Variants in SQOR observed in about 807,000 individuals in gnomAD.
The protein encoded by SQOR is sulfide quinone oxidoreductase, also known as sulfide:quinone oxidoreductase, mitochondrial.
In SQOR, 39 loss-of-function variants were observed where a neutral mutation model predicts 48.6. The observed-to-expected ratio is 0.80, with a 90% confidence interval of 0.62 to 1.05. SQOR has a LOEUF of 1.05. SQOR is among the 50% of genes least tolerant of loss of function. The pLI, the probability that SQOR is intolerant of heterozygous loss-of-function variation, is 0.00. For synonymous variants in SQOR, 220 were observed against 206.2 expected (o/e 1.07, Z -0.57); for missense variants, 561 against 559.9 (o/e 1.00, Z -0.02).
intron 9 of SQOR, 24 bp from the exon 10 acceptor site, chr15:45,690,949 A>G (rs770336633): frequency 1.2e-6 from 2 of 1,612,652 alleles, no homozygotes; most frequent in Non-Finnish European, 1.7e-6. Context: ...CTGCAGGTAC[A>G]TTTTTTTGTG....
At chr15:45,687,504 G>A (rs987229256) in intron 7 of SQOR, among the ~76,000 whole-genome samples, 1 of 152,164 alleles carries the variant, frequency 6.6e-6, no homozygotes, top group African/African-American at 2.4e-5. Flanking sequence ...AAAATACTGC[G>A]GGTTTGTGTT....
chr15:45,649,261 C>T (rs1022648691), intron 1 of SQOR, among the ~76,000 whole-genome samples: 5 of 152,124 alleles, frequency 3.3e-5, no homozygotes, highest in South Asian at 2.1e-4. Flanking sequence ...ATGCCCAGTC[C>T]GCTGTCTTAT....
At chr15:45,633,149 C>A (rs548945154), upstream of SQOR, among the ~76,000 whole-genome samples, 22 of 151,114 alleles carry the variant, frequency 1.5e-4, no homozygotes, top group African/African-American at 5.1e-4. Flanking sequence ...ACCCAAAAAA[C>A]CAAAAACCCA....
chr15:45,649,781 C>T (rs894202237), intron 1 of SQOR, among the ~76,000 whole-genome samples: 1 of 152,028 alleles, frequency 6.6e-6, no homozygotes, highest in African/African-American at 2.4e-5. Flanking sequence ...CTGTGCCTGG[C>T]CTCATTTTTT....
rs1314735941 is a variant in SQOR at position 45,659,141 on chromosome 15, T to C, written c.218T>C (p.Ile73Thr). The stretch of plus-strand genomic sequence containing the variant: ...AAAGTGGGTGCAGAGAATGTGGCCA[T>C]TGTTGAGCCCAGTGAGGTAAGCCTC... ...KRKVGAENVAIVEPSERHFYQ... is the reference protein window; with the variant it reads ...KRKVGAENVATVEPSERHFYQ... Residue 73 changes from isoleucine to threonine, a missense_variant, in exon 2 of 10, where the codon ATT (isoleucine) becomes ACT (threonine). Ile to Thr is a moderately conservative substitution (Grantham distance 89). Coordinates refer to ENST00000260324, the MANE Select transcript of SQOR (RefSeq NM_021199.4). 2 of 1,546,514 alleles carry C rather than the reference T, an allele frequency of 1.3e-6. No individual in the cohort carries two copies. The highest frequency in any genetic ancestry group is 1.8e-6 in the Non-Finnish European group (2 of 1,142,128).
chr15:45,633,903 G>A (rs1318264337), upstream of SQOR, among the ~76,000 whole-genome samples: 1 of 151,452 alleles, frequency 6.6e-6, no homozygotes, highest in East Asian at 2.0e-4. Flanking sequence ...GGCTGGGCAT[G>A]GTGGCTCACG....
At chr15:45,636,238 A>G (rs1293532084) in intron 1 of SQOR, among the ~76,000 whole-genome samples, 1 of 152,192 alleles carries the variant, frequency 6.6e-6, no homozygotes, top group East Asian at 1.9e-4. Context: ...GGTAATATAT[A>G]TGTCTTTAAA....
intron 1 of SQOR, among the ~76,000 whole-genome samples, chr15:45,635,958 G>A (rs1894996624): frequency 6.6e-6 from 1 of 151,704 alleles, no homozygotes; most frequent in Admixed American, 6.6e-5. Flanking sequence ...GCCTCAGCCT[G>A]CCGAGTAACT....
chr15:45,673,930 T>G (rs1261294638), intron 5 of SQOR, 129 bp downstream of exon 5: 3 of 859,356 alleles, frequency 3.5e-6, no homozygotes, highest in Non-Finnish European at 3.5e-6. Context: ...GTGTACAAAA[T>G]TAGTTAACTG....
chr15:45,688,471 T>A (rs1890261521), intron 8 of SQOR, 67 bp downstream of exon 8: 1 of 1,245,094 alleles, frequency 8.0e-7, no homozygotes, highest in Non-Finnish European at 1.1e-6. Context: ...AGTAGTGTTT[T>A]CCCACAATTT....
chr15:45,635,679 C>T (rs1374861889), intron 1 of SQOR, among the ~76,000 whole-genome samples: 1 of 152,198 alleles, frequency 6.6e-6, no homozygotes, highest in East Asian at 1.9e-4. Flanking sequence ...CTTCATCTGT[C>T]TCTTTTATTT....
chr15:45,642,710 G>T (rs938295610), intron 1 of SQOR, among the ~76,000 whole-genome samples: 10 of 152,062 alleles, frequency 6.6e-5, no homozygotes, highest in African/African-American at 2.4e-4. Context: ...AAAGTAGCCC[G>T]AACAGGTCCC....
Position 45,673,605 on chromosome 15 carries a change from A to G in SQOR, c.460-2A>G. ...AAATAATTTTTGTGTACTTTGTTGCAGATTAAAGGCCTACCTGAAGGTTTC... is the reference window on the plus strand; with the variant it reads ...AAATAATTTTTGTGTACTTTGTTGCGGATTAAAGGCCTACCTGAAGGTTTC... On this transcript the variant is annotated splice_acceptor_variant, in intron 4 of 9. Transcript: ENST00000260324. LOFTEE classifies it high-confidence loss of function. 1 of 1,609,050 alleles carries G rather than the reference A, an allele frequency of 6.2e-7. No homozygotes were observed. Among genetic ancestry groups the G allele is most frequent in the East Asian group, 2.2e-5 (1 of 44,800 alleles).
intron 1 of SQOR, among the ~76,000 whole-genome samples, chr15:45,656,456 AT>A (rs34189540): frequency 0.32 from 46,719 of 146,476 alleles, 7,580 homozygotes; most frequent in East Asian, 0.53. Context: ...TGCCTGGCTA[AT>A]TTTTTTTTTT....
At chr15:45,648,208 C>T (rs975577185) in intron 1 of SQOR, among the ~76,000 whole-genome samples, 4 of 151,150 alleles carry the variant, frequency 2.6e-5, no homozygotes, top group Non-Finnish European at 4.4e-5. Flanking sequence ...CGGAATCTTG[C>T]GCCACCGTCA....
chr15:45,686,083 C>T (rs923745688), intron 7 of SQOR, among the ~76,000 whole-genome samples: 5 of 151,620 alleles, frequency 3.3e-5, no homozygotes, highest in East Asian at 1.9e-4. Context: ...TGGGCTCAAG[C>T]GATCCTCCTG....
At chr15:45,674,671 C>A (rs1350631381) in intron 5 of SQOR, among the ~76,000 whole-genome samples, 1 of 150,872 alleles carries the variant, frequency 6.6e-6, no homozygotes, top group Admixed American at 6.6e-5. Context: ...AACTTTAAAC[C>A]TTCATGAAAA....
In SQOR at chr15:45,688,337, C is replaced by A. The variant is rs1566924817; in HGVS notation, c.1049C>A (p.Ala350Asp). ...LPTSKTAAAV[A>D]AQSGILDRTI... ...TCTGACTTTCCCATTTCTCTTATAG[C>A]TGCCCAGTCAGGAATACTTGATAGG... Residue 350 changes from alanine (A) to aspartate (D), a missense_variant and splice_region_variant, in exon 8 of 10, where the codon GCT (alanine) becomes GAT (aspartate). Ala to Asp is a moderately radical substitution (Grantham distance 126). Coordinates refer to ENST00000260324, the MANE Select transcript of SQOR (RefSeq NM_021199.4). The A allele has an allele frequency of 6.3e-7, 1 of 1,596,034 alleles. No homozygotes were observed.
At chr15:45,682,699 T>A in intron 7 of SQOR, 38 bp downstream of exon 7, 1 of 1,605,532 alleles carries the variant, frequency 6.2e-7, no homozygotes, top group Non-Finnish European at 8.5e-7. Context: ...TTCTCAAAAA[T>A]ATGTCACCTC....
Sources: allele counts gnomAD v4.1 joint callset (sites outside exome capture counted in the v4.1 genomes callset), GRCh38; gene constraint gnomAD v4.1.1; transcripts MANE v1.5; gene names NCBI Gene and HGNC (gene_info 2026-07-23, HGNC 2026-07-21).